The following TMEM45A variants were observed in gnomAD, a reference collection of about 807,000 sequenced individuals.
TMEM45A encodes the protein transmembrane protein 45A.
Under a neutral mutation model 32.0 loss-of-function variants are expected in TMEM45A, and 25 were observed. The ratio of observed to expected loss-of-function variants is 0.78; its 90% CI spans 0.57 to 1.09. TMEM45A has a LOEUF of 1.09. Among genes scored for constraint, TMEM45A ranks in the 50% least tolerant of loss-of-function variants. TMEM45A has a pLI of 0.00. For synonymous variants in TMEM45A, 122 were observed against 114.8 expected (o/e 1.06, Z -0.40); for missense variants, 302 against 325.0 (o/e 0.93, Z 0.54).
chr3:100,538,652 G>A (rs1295209990), intron 1 of TMEM45A, among the ~76,000 whole-genome samples: 4 of 152,160 alleles, frequency 2.6e-5, no homozygotes, highest in South Asian at 2.1e-4. Context: ...AATTGTTCAT[G>A]TAGAAAATCC....
intron 5 of TMEM45A, among the ~76,000 whole-genome samples, chr3:100,569,803 A>G (rs938841976): frequency 3.9e-5 from 6 of 152,218 alleles, no homozygotes; most frequent in Admixed American, 2.6e-4. Context: ...TAGTCTTATA[A>G]TTAGGACTAA....
intron 1 of TMEM45A, among the ~76,000 whole-genome samples, chr3:100,514,590 C>A (rs1285419762): frequency 6.6e-6 from 1 of 151,906 alleles, no homozygotes; most frequent in South Asian, 2.1e-4. Flanking sequence ...TCTAAAACAC[C>A]AAAAGCAATG....
chr3:100,520,191 G>A (rs571433021), intron 1 of TMEM45A, among the ~76,000 whole-genome samples: 1 of 152,274 alleles, frequency 6.6e-6, no homozygotes, highest in African/African-American at 2.4e-5. Flanking sequence ...AAATAAAGCA[G>A]GAAAAGAGGG....
chr3:100,548,125 T>C (rs1349842027), intron 1 of TMEM45A, among the ~76,000 whole-genome samples: 2 of 152,168 alleles, frequency 1.3e-5, no homozygotes, highest in East Asian at 1.9e-4. Flanking sequence ...TCTAGAGTGG[T>C]TATTTTCTTC....
At chr3:100,503,920 T>C (rs1485883582) in intron 1 of TMEM45A, among the ~76,000 whole-genome samples, 1 of 152,234 alleles carries the variant, frequency 6.6e-6, no homozygotes, top group African/African-American at 2.4e-5. Context: ...TTAACATTTA[T>C]GCCATGTGTA....
intron 1 of TMEM45A, among the ~76,000 whole-genome samples, chr3:100,505,534 A>G (rs1261851721): frequency 6.6e-6 from 1 of 152,230 alleles, no homozygotes; most frequent in Non-Finnish European, 1.5e-5. Context: ...GTCTTTGCCA[A>G]GCATCCCAGG....
chr3:100,555,092 C>T (rs1415609688), intron 1 of TMEM45A, 117 bp from the exon 2 acceptor site: 16 of 882,950 alleles, frequency 1.8e-5, no homozygotes, highest in Non-Finnish European at 2.6e-5. Flanking sequence ...CAGAATCATC[C>T]TCAGTGATGT....
intron 1 of TMEM45A, among the ~76,000 whole-genome samples, chr3:100,517,716 T>C (rs898533710): frequency 1.3e-5 from 2 of 152,200 alleles, no homozygotes; most frequent in Non-Finnish European, 2.9e-5. Context: ...CTGTGGTGAA[T>C]AAAAAAGTGA....
intron 1 of TMEM45A, among the ~76,000 whole-genome samples, chr3:100,515,069 C>T (rs1160537694): frequency 2.7e-5 from 4 of 148,166 alleles, no homozygotes; most frequent in African/African-American, 5.0e-5. Context: ...GTCAGTGTGG[C>T]GATTCCTCAG....
intron 1 of TMEM45A, among the ~76,000 whole-genome samples, chr3:100,542,638 G>A (rs946399475): frequency 1.3e-5 from 2 of 152,136 alleles, no homozygotes; most frequent in Non-Finnish European, 2.9e-5. Flanking sequence ...ATGGAACCAA[G>A]TGAGGTGCTC....
chr3:100,558,689 A>G (rs1706271871), intron 4 of TMEM45A, 100 bp downstream of exon 4: 19 of 1,197,770 alleles, frequency 1.6e-5, no homozygotes, highest in Non-Finnish European at 2.2e-5. Context: ...CCTCCAACAT[A>G]CTGCCTGTAG....
intron 4 of TMEM45A, among the ~76,000 whole-genome samples, chr3:100,560,609 C>T (rs755363386): frequency 1.1e-4 from 17 of 152,124 alleles, no homozygotes; most frequent in South Asian, 1.0e-3. Context: ...CTTTGGAATA[C>T]GGCCCAGTGT....
chr3:100,569,014 G>A, intron 5 of TMEM45A, 47 bp downstream of exon 5: 1 of 1,559,460 alleles, frequency 6.4e-7, no homozygotes, highest in East Asian at 2.3e-5. Context: ...CTTGGTATGT[G>A]ATTATCAAGA....
At position 100,555,115 on chromosome 3, in the gene TMEM45A, C is replaced by A. The variant is rs2148981166; in HGVS notation, c.-3-94C>A. The A allele has an allele frequency of 2.7e-6, 3 of 1,127,728 alleles. No homozygotes were observed. The South Asian group carries it at 4.7e-5, about 18-fold the overall frequency. 69.9% of individuals were successfully genotyped at this position (1,127,728 alleles called of 1,614,324 possible). On this transcript the variant is annotated intron_variant, in intron 1 of 5. Coordinates refer to ENST00000323523, the MANE Select transcript of TMEM45A (RefSeq NM_018004.3). The stretch of plus-strand genomic sequence containing the variant: ...TCCTCAGTGATGTATCCATAATAAT[C>A]AGAAGACAGTGTACTTTATGGAAAC...
At chr3:100,528,896 TTC>T (rs1222391359) in intron 1 of TMEM45A, among the ~76,000 whole-genome samples, 2 of 152,178 alleles carry the variant, frequency 1.3e-5, no homozygotes, top group Non-Finnish European at 2.9e-5. Flanking sequence ...ACATTAAAAA[TTC>T]TGTTTCCATA....
intron 1 of TMEM45A, among the ~76,000 whole-genome samples, chr3:100,552,829 A>G (rs1263474176): frequency 1.3e-5 from 2 of 152,190 alleles, no homozygotes; most frequent in Admixed American, 6.5e-5. Context: ...GAATAGAAAG[A>G]AGAATGGATA....
intron 3 of TMEM45A, 35 bp from the exon 4 acceptor site, chr3:100,558,370 C>T: frequency 1.2e-6 from 2 of 1,610,104 alleles, no homozygotes; most frequent in Non-Finnish European, 1.7e-6. Flanking sequence ...GTCCTTGGTT[C>T]CACTGAAAAA....
chr3:100,512,990 A>C (rs1261141108), intron 1 of TMEM45A, among the ~76,000 whole-genome samples: 10 of 150,258 alleles, frequency 6.7e-5, no homozygotes, highest in African/African-American at 2.5e-4. Flanking sequence ...TCAATAGCTT[A>C]CCAACCAAAA....
In TMEM45A at chr3:100,515,262, A is replaced by G. The variant is rs1330393434; in HGVS notation, c.-4+22334A>G. Among the ~76,000 whole-genome samples, 3 of 152,028 alleles carry G rather than the reference A, an allele frequency of 2.0e-5. No individual in the cohort carries two copies. The East Asian group carries it at 5.8e-4, about 29-fold the overall frequency. On this transcript the variant is annotated intron_variant, in intron 1 of 5. Transcript: ENST00000323523. ...AACAATGATAGACTGGATTAAGAAA[A>G]TGTGGCACATATACACCATGGAATA...
Sources: gnomAD v4.1 joint callset for allele counts (sites outside exome capture counted in the v4.1 genomes callset) on GRCh38, gnomAD v4.1.1 for gene constraint, MANE v1.5 for transcripts, NCBI Gene and HGNC (gene_info 2026-07-23, HGNC 2026-07-21) for gene names.